The following IGF2R variants were observed in gnomAD, a reference collection of about 807,000 sequenced individuals.
IGF2R encodes cation-independent mannose-6-phosphate receptor.
In IGF2R, 91 loss-of-function variants were observed where a neutral mutation model predicts 270.6. The observed-to-expected ratio is 0.34, with a 90% CI of 0.28 to 0.40. The LOEUF (loss-of-function observed/expected upper bound fraction) is 0.40. IGF2R is among the 10% of genes least tolerant of loss of function. IGF2R has a pLI of 1.00. For synonymous variants in IGF2R, 1,316 were observed against 1,258.9 expected (o/e 1.05, Z -0.96); for missense variants, 2,805 against 3,188.3 (o/e 0.88, Z 2.90).
In IGF2R at chr6:160,061,603, T is replaced by C; in HGVS notation, c.3363T>C (p.Tyr1121=). 1 of 1,614,144 alleles carries C rather than the reference T, an allele frequency of 6.2e-7. No individual in the cohort carries two copies. The highest frequency in any genetic ancestry group is 8.5e-7 in the Non-Finnish European group (1 of 1,179,980). ...TCGATGGGAGAAAGAGGACTTTCTA[T>C]TTGAGCGTTTGCAATCCTCTCCCTT... ...TSVDGRKRTF[Y]LSVCNPLPYI... Residue 1121 remains tyrosine (Y), a synonymous_variant, in exon 24 of 48, where the codon TAT becomes TAC. Transcript: ENST00000356956.
intron 1 of IGF2R, among the ~76,000 whole-genome samples, chr6:159,971,978 T>C (rs1022086359): frequency 6.6e-6 from 1 of 152,220 alleles, no homozygotes; most frequent in African/African-American, 2.4e-5. Context: ...TTTAAACTGA[T>C]ACCTCTCCTT....
In IGF2R at chr6:160,001,487, G is replaced by A. The variant is rs1197687839; in HGVS notation, c.290-7523G>A. On this transcript the variant is annotated intron_variant, in intron 2 of 47. Coordinates refer to ENST00000356956, the MANE Select transcript of IGF2R (RefSeq NM_000876.4). ...AATAGAAATAAAGGGTACAATAAAT[G>A]TAATATGCTTGAATCATCCCGAAAC... Among the ~76,000 whole-genome samples the A allele has an allele frequency of 2.6e-5, 4 of 152,186 alleles. No homozygotes were observed. The East Asian group carries it at 5.8e-4, about 22-fold the overall frequency.
chr6:159,970,445 TG>T (rs8191694), intron 1 of IGF2R, among the ~76,000 whole-genome samples: 57 of 151,744 alleles, frequency 3.8e-4, no homozygotes, highest in African/African-American at 1.2e-3. Context: ...GTAGGGTTTA[TG>T]GGGGGGGTTC....
Position 160,072,025 on chromosome 6 carries a change from A to C in IGF2R, c.4559A>C (p.Asn1520Thr). 1 of 1,614,124 alleles carries C rather than the reference A, an allele frequency of 6.2e-7. No homozygotes were observed. Among genetic ancestry groups the C allele is most frequent in the Non-Finnish European group, 8.5e-7 (1 of 1,180,008 alleles). Reference protein sequence around the residue: ...SNEHDDCQVTNPSTGHLFDLS... With the variant: ...SNEHDDCQVTTPSTGHLFDLS... The stretch of plus-strand genomic sequence containing the variant: ...GAGCATGATGACTGCCAGGTCACCA[A>C]CCCAAGCACAGGTGAGAGGTGGTGC... Residue 1520 changes from asparagine (N) to threonine (T), a missense_variant, in exon 32 of 48, where the codon AAC becomes ACC. Physicochemically the swap from Asn to Thr is moderately conservative, Grantham distance 65. Coordinates refer to ENST00000356956, the MANE Select transcript of IGF2R (RefSeq NM_000876.4).
chr6:160,021,099 A>G (rs1245302956), intron 4 of IGF2R, among the ~76,000 whole-genome samples: 2 of 152,224 alleles, frequency 1.3e-5, no homozygotes, highest in Non-Finnish European at 1.5e-5. Flanking sequence ...AGACAACTCA[A>G]CAAGAAAAAC....
intron 41 of IGF2R, among the ~76,000 whole-genome samples, chr6:160,087,305 A>C (rs916426552): frequency 3.3e-5 from 5 of 152,120 alleles, no homozygotes; most frequent in African/African-American, 1.2e-4. Flanking sequence ...TATGATAGAG[A>C]GAGTTTACAC....
intron 4 of IGF2R, among the ~76,000 whole-genome samples, chr6:160,013,435 G>C (rs1044961684): frequency 6.7e-6 from 1 of 148,636 alleles, no homozygotes; most frequent in Non-Finnish European, 1.5e-5. Context: ...AAAAAAAAAG[G>C]TGCTGATCTG....
rs1043736773 is a variant in IGF2R, at chr6:159,979,102, T to C, written c.149+9707T>C. Among the ~76,000 whole-genome samples the C allele has an allele frequency of 5.3e-5, 8 of 152,324 alleles. No homozygotes were observed. The Middle Eastern group carries it at 0.02, about 389-fold the overall frequency. On this transcript the variant is annotated intron_variant, in intron 1 of 47. Transcript: ENST00000356956. ...GCCAGGAGGGTCTTGCTGTTAGGGC[T>C]GCCACCTTCTTCATGCCTGCTGTGT... is the stretch of plus-strand genomic sequence containing the variant.
At chr6:160,054,105 C>T (rs1222068045) in intron 19 of IGF2R, among the ~76,000 whole-genome samples, 1 of 152,176 alleles carries the variant, frequency 6.6e-6, no homozygotes, top group East Asian at 1.9e-4. Flanking sequence ...GTGGCCATTT[C>T]TGACAGGCTG....
intron 1 of IGF2R, among the ~76,000 whole-genome samples, chr6:159,976,406 G>A (rs1016437406): frequency 4.6e-5 from 7 of 151,912 alleles, no homozygotes; most frequent in African/African-American, 1.7e-4. Context: ...ATTTACTAAA[G>A]ACTTATTTAC....
intron 5 of IGF2R, among the ~76,000 whole-genome samples, chr6:160,026,078 A>G (rs887783964): frequency 1.3e-5 from 2 of 152,190 alleles, no homozygotes; most frequent in African/African-American, 4.8e-5. Flanking sequence ...AACCTCTTGG[A>G]TAGTTTCGGA....
Position 159,969,388 on chromosome 6 carries a change from C to A in IGF2R, c.142C>A (p.Leu48Met). 1 of 1,260,798 alleles carries A rather than the reference C, an allele frequency of 7.9e-7. No homozygotes were observed. Among genetic ancestry groups the A allele is most frequent in the African/African-American group, 1.6e-5 (1 of 64,492 alleles). The allele number at this position is 1,260,798 out of a possible 1,614,324, so 78.1% of individuals were successfully genotyped here. Residue 48 changes from leucine to methionine, a missense_variant, in exon 1 of 48, where the codon CTG becomes ATG. Leu to Met is a conservative substitution (Grantham distance 15). This residue lies in a region of IGF2R where 954 missense variants were observed against 981.1 expected (regional missense o/e 0.97). Coordinates refer to ENST00000356956, the MANE Select transcript of IGF2R (RefSeq NM_000876.4). ...GGCCCAGGCCGCCCCGTTCCCCGAG[C>A]TGTGCAGGTGGGTGGCCCGCCCGGA... is the stretch of plus-strand genomic sequence containing the variant. Reference protein sequence around the residue: ...TQAQAAPFPELCSYTWEAVDT... With the variant: ...TQAQAAPFPEMCSYTWEAVDT...
chr6:160,014,117 A>G (rs1175768454), intron 4 of IGF2R, among the ~76,000 whole-genome samples: 1 of 152,230 alleles, frequency 6.6e-6, no homozygotes. Context: ...TACTTTGTTC[A>G]GTGGATTCTG....
intron 19 of IGF2R, among the ~76,000 whole-genome samples, chr6:160,054,970 G>GC (rs1778278938): frequency 6.6e-5 from 10 of 152,052 alleles, no homozygotes; most frequent in Non-Finnish European, 1.3e-4. Flanking sequence ...GGTCTGCTTT[G>GC]TCATTGGCTA....
In IGF2R at chr6:160,088,064, T is replaced by C; in HGVS notation, c.6237T>C (p.Gly2079=). The C allele has an allele frequency of 6.2e-7, 1 of 1,613,592 alleles. No homozygotes were observed. The highest frequency in any genetic ancestry group is 1.3e-5 in the African/African-American group (1 of 75,028). ...GDKVVVTYSK[G]YPCGGNKTAS... ...AAGTTGTTGTCACGTACTCCAAAGG[T>C]TATCCGTGTGGTGGAAATAAGACCG... is the stretch of plus-strand genomic sequence containing the variant. Residue 2079 remains glycine, a synonymous_variant, in exon 42 of 48, where the codon GGT becomes GGC. Transcript: ENST00000356956.
rs376030058 is a variant in IGF2R at position 160,085,715 on chromosome 6, G to C, written c.6205+584G>C. 2.6e-5 allele frequency among the ~76,000 whole-genome samples: 4 copies of C among 152,314 alleles called. No homozygotes were observed. The East Asian group carries it at 5.8e-4, about 22-fold the overall frequency. ...TCACCTTTGCCTCTTAGGCTGGAGT[G>C]GGGTTTCCCGAGTTGTCCTGATTCA... is the stretch of plus-strand genomic sequence containing the variant. On this transcript the variant is annotated intron_variant, in intron 41 of 47. Coordinates refer to ENST00000356956, the MANE Select transcript of IGF2R (RefSeq NM_000876.4).
At chr6:160,043,887 G>A (rs1778003204) in intron 12 of IGF2R, among the ~76,000 whole-genome samples, 1 of 152,154 alleles carries the variant, frequency 6.6e-6, no homozygotes, top group South Asian at 2.1e-4. Context: ...TGTGAGCCTC[G>A]TTGGATTTTA....
At chr6:160,026,385 G>A (rs1169923293) in intron 5 of IGF2R, among the ~76,000 whole-genome samples, 2 of 152,178 alleles carry the variant, frequency 1.3e-5, no homozygotes, top group Non-Finnish European at 2.9e-5. Flanking sequence ...CTTAAGGGAG[G>A]TAAGATTATT....
intron 44 of IGF2R, chr6:160,093,595 G>C: frequency 1.5e-6 from 1 of 687,964 alleles, no homozygotes; most frequent in South Asian, 1.5e-5. Flanking sequence ...ACCCAGTGGG[G>C]GACTGGATCA....
Sources: gnomAD v4.1 joint callset for allele counts (sites outside exome capture counted in the v4.1 genomes callset) on GRCh38, gnomAD v4.1.1 for gene constraint, gnomAD v4.1.1 regional missense constraint, MANE v1.5 for transcripts, NCBI Gene and HGNC (gene_info 2026-07-23, HGNC 2026-07-21) for gene names.